Variants in PTPRJ observed in about 807,000 individuals in gnomAD.
The protein encoded by PTPRJ is protein tyrosine phosphatase receptor type J.
Under a neutral mutation model 141.3 loss-of-function variants are expected in PTPRJ, and 129 were observed. That is an observed-to-expected ratio of 0.91 (90% CI 0.79 to 1.06). The LOEUF (loss-of-function observed/expected upper bound fraction) is 1.06. PTPRJ is among the 50% of genes least tolerant of loss of function. The pLI is 0.00. For synonymous variants in PTPRJ, 610 were observed against 640.5 expected, an observed-to-expected ratio of 0.95 and a Z score of 0.72; for missense variants, 1,601 against 1,679.7, an observed-to-expected ratio of 0.95 and a Z score of 0.82.
At position 48,150,103 on chromosome 11, in the gene PTPRJ, T is replaced by G. The variant is rs1857444471; in HGVS notation, c.3058T>G (p.Leu1020Val). 2.5e-6 allele frequency: 4 copies of G among 1,613,788 alleles called. No individual in the cohort carries two copies. Among genetic ancestry groups the G allele is most frequent in the Non-Finnish European group, 3.4e-6 (4 of 1,179,694 alleles). The stretch of plus-strand genomic sequence containing the variant: ...TAAGTTTTGTTTTCTTAGATCTAAG[T>G]TAATCAGAGTGGAGAATTTTGAGGC... ...FSQIKPKKSK[L>V]IRVENFEAYF... Residue 1020 changes from leucine (L) to valine (V), a missense_variant, in exon 18 of 25, where the codon TTA becomes GTA. Leu to Val is a conservative substitution (Grantham distance 32). Coordinates refer to ENST00000418331, the MANE Select transcript of PTPRJ (RefSeq NM_002843.4).
chr11:48,130,088 C>T (rs144279675), intron 7 of PTPRJ, among the ~76,000 whole-genome samples: 111 of 151,274 alleles, frequency 7.3e-4, no homozygotes, highest in African/African-American at 2.7e-3. Context: ...TGGTCTCTCT[C>T]TGCTGTCCCT....
At chr11:48,077,638 C>T (rs1463320725) in intron 1 of PTPRJ, among the ~76,000 whole-genome samples, 1 of 152,168 alleles carries the variant, frequency 6.6e-6, no homozygotes, top group Non-Finnish European at 1.5e-5. Flanking sequence ...CTCATTCACC[C>T]TCGGCCCTAC....
chr11:48,071,223 A>G (rs1855239542), intron 1 of PTPRJ, among the ~76,000 whole-genome samples: 1 of 152,218 alleles, frequency 6.6e-6, no homozygotes, highest in Admixed American at 6.5e-5. Flanking sequence ...AACAGTGGCC[A>G]TTGATTGAAC....
At position 48,121,184 on chromosome 11, in the gene PTPRJ, A is replaced by T. The variant is rs915568423; in HGVS notation, c.534A>T (p.Pro178=). The T allele has an allele frequency of 1.2e-6, 2 of 1,614,170 alleles. No individual in the cohort carries two copies. The highest frequency in any genetic ancestry group is 4.5e-5 in the East Asian group (2 of 44,888). Residue 178 remains proline (P), a synonymous_variant, in exon 4 of 25, where the codon CCA becomes CCT. Coordinates refer to ENST00000418331, the MANE Select transcript of PTPRJ (RefSeq NM_002843.4). ...QPWCNITGLR[P]ATSYVFSITP... is the part of the protein sequence containing the mutation. ...GGTGTAACATCACAGGCTTACGTCC[A>T]GCGACTTCATATGTATTCTCCATCA...
chr11:48,024,398 A>G (rs1280849656), intron 1 of PTPRJ, among the ~76,000 whole-genome samples: 1 of 152,126 alleles, frequency 6.6e-6, no homozygotes, highest in Non-Finnish European at 1.5e-5. Flanking sequence ...GGGTTTCACC[A>G]TATTGGTCGG....
intron 1 of PTPRJ, among the ~76,000 whole-genome samples, chr11:48,020,660 C>A (rs919995721): frequency 6.6e-6 from 1 of 152,154 alleles, no homozygotes; most frequent in Non-Finnish European, 1.5e-5. Context: ...GTCTCAAAAC[C>A]CTCTGAAGCG....
intron 1 of PTPRJ, among the ~76,000 whole-genome samples, chr11:47,990,447 G>A (rs985134438): frequency 2.0e-5 from 3 of 151,870 alleles, no homozygotes; most frequent in South Asian, 4.2e-4. Flanking sequence ...TTTTGAGGGG[G>A]AGTCTTGCTC....
intron 1 of PTPRJ, among the ~76,000 whole-genome samples, chr11:48,104,470 G>A (rs376133702): frequency 1.3e-5 from 2 of 152,130 alleles, no homozygotes; most frequent in Admixed American, 6.6e-5. Context: ...GGTTAATTAC[G>A]TCAGTGGGTA....
intron 6 of PTPRJ, among the ~76,000 whole-genome samples, 197 bp from the exon 7 acceptor site, chr11:48,127,583 G>A (rs529805293): frequency 6.6e-6 from 1 of 152,202 alleles, no homozygotes; most frequent in Non-Finnish European, 1.5e-5. Flanking sequence ...CCATTGGCCA[G>A]GTTGTTTCTT....
intron 1 of PTPRJ, among the ~76,000 whole-genome samples, chr11:48,068,601 T>C (rs1590462377): frequency 6.6e-6 from 1 of 152,216 alleles, no homozygotes; most frequent in African/African-American, 2.4e-5. Context: ...ATGTCTTCAT[T>C]TGCAGCATGA....
At chr11:47,987,859 AGGGGTGGT>A (rs1378593999) in intron 1 of PTPRJ, among the ~76,000 whole-genome samples, 1 of 152,202 alleles carries the variant, frequency 6.6e-6, no homozygotes, top group Non-Finnish European at 1.5e-5. Context: ...TGGTAGGATA[AGGGGTGGT>A]GGTAAGCAGA....
At chr11:48,039,551 G>A (rs77211447) in intron 1 of PTPRJ, among the ~76,000 whole-genome samples, 6,860 of 151,960 alleles carry the variant, frequency 0.045, 518 homozygotes, top group African/African-American at 0.16. Flanking sequence ...GTGTATGCAC[G>A]TGTGTGGCCT....
intron 1 of PTPRJ, among the ~76,000 whole-genome samples, chr11:48,037,227 T>C (rs1018086079): frequency 2.5e-4 from 38 of 152,194 alleles, no homozygotes; most frequent in African/African-American, 8.4e-4. Context: ...TTATGATATA[T>C]CAAAGAGACT....
intron 8 of PTPRJ, chr11:48,132,150 C>T (rs377523119): frequency 3.1e-5 from 31 of 985,292 alleles, no homozygotes; most frequent in African/African-American, 3.1e-4. Flanking sequence ...AACTACTGTG[C>T]TGTGTTGGGC....
At position 48,167,443 on chromosome 11, in the gene PTPRJ, T is replaced by C. The variant is rs1418442336; in HGVS notation, c.*81T>C. Reference sequence around the variant, plus strand: ...CACATGCCCCGATGTCGACATGTTTTTATATGTCTAATATCTTAATTCTTT... The same window carrying C: ...CACATGCCCCGATGTCGACATGTTTCTATATGTCTAATATCTTAATTCTTT... On this transcript the variant is annotated 3_prime_UTR_variant, in exon 25 of 25. Transcript: ENST00000418331. The C allele has an allele frequency of 6.1e-5, 87 of 1,422,984 alleles. No homozygotes were observed. The highest frequency in any genetic ancestry group is 7.8e-5 in the Non-Finnish European group (81 of 1,033,970). The allele number at this position is 1,422,984 out of a possible 1,614,324, so 88.1% of individuals were successfully genotyped here.
intron 8 of PTPRJ, among the ~76,000 whole-genome samples, chr11:48,135,018 A>G (rs1857057722): frequency 6.6e-6 from 1 of 152,136 alleles, no homozygotes; most frequent in Non-Finnish European, 1.5e-5. Flanking sequence ...AAAACAAAAA[A>G]ACCTCTTTAT....
At chr11:48,073,216 T>C (rs889054064) in intron 1 of PTPRJ, among the ~76,000 whole-genome samples, 1 of 152,174 alleles carries the variant, frequency 6.6e-6, no homozygotes, top group African/African-American at 2.4e-5. Flanking sequence ...TGTCCCCAGC[T>C]ATCTGATCTG....
At chr11:48,026,616 A>G (rs1461577850) in intron 1 of PTPRJ, among the ~76,000 whole-genome samples, 3 of 151,762 alleles carry the variant, frequency 2.0e-5, no homozygotes, top group African/African-American at 7.3e-5. Flanking sequence ...TGCCCAGCTA[A>G]TTTTTGTATT....
chr11:48,115,621 T>G (rs1462998513), intron 3 of PTPRJ, among the ~76,000 whole-genome samples: 1 of 152,136 alleles, frequency 6.6e-6, no homozygotes, highest in African/African-American at 2.4e-5. Context: ...ATAAGACTAG[T>G]AAAATAAATA....
Sources: gnomAD v4.1 joint callset for allele counts (sites outside exome capture counted in the v4.1 genomes callset) on GRCh38, gnomAD v4.1.1 for gene constraint, MANE v1.5 for transcripts, NCBI Gene and HGNC (gene_info 2026-07-23, HGNC 2026-07-21) for gene names.